Variants in ST6GALNAC3 observed in about 807,000 individuals in gnomAD.
The protein encoded by ST6GALNAC3 is ST6 N-acetylgalactosaminide alpha-2,6-sialyltransferase 3.
In ST6GALNAC3, 25 loss-of-function variants were observed where a neutral mutation model predicts 32.7. The ratio of observed to expected loss-of-function variants is 0.76; its 90% CI spans 0.56 to 1.07. The LOEUF is 1.07. ST6GALNAC3 is among the 50% of genes least tolerant of loss of function. The pLI is 0.00. For synonymous variants in ST6GALNAC3, 129 were observed against 133.1 expected, an observed-to-expected ratio of 0.97 and a Z score of 0.21; for missense variants, 355 against 382.4, an observed-to-expected ratio of 0.93 and a Z score of 0.60.
chr1:76,227,924 G>A (rs1296791923), intron 1 of ST6GALNAC3, among the ~76,000 whole-genome samples: 1 of 152,106 alleles, frequency 6.6e-6, no homozygotes, highest in Non-Finnish European at 1.5e-5. Context: ...TAAGGGATGT[G>A]GTTTCTAGAT....
intron 1 of ST6GALNAC3, among the ~76,000 whole-genome samples, chr1:76,228,154 T>G (rs1656178568): frequency 6.6e-6 from 1 of 152,166 alleles, no homozygotes; most frequent in Non-Finnish European, 1.5e-5. Context: ...CCTATTGAAA[T>G]ATGAAATAGA....
chr1:76,543,490 A>G (rs1300576195), intron 3 of ST6GALNAC3, among the ~76,000 whole-genome samples: 1 of 152,244 alleles, frequency 6.6e-6, no homozygotes, highest in Non-Finnish European at 1.5e-5. Context: ...ATCTTATCAC[A>G]TCAGAAAAAA....
rs769784038 is a variant in ST6GALNAC3 at position 76,206,787 on chromosome 1, C to T, written c.19-107018C>T. On this transcript the variant is annotated intron_variant, in intron 1 of 4. Coordinates refer to ENST00000328299, the MANE Select transcript of ST6GALNAC3 (RefSeq NM_152996.4). ...TTCAATAGATGGTGATTGTTATAAA[C>T]AATGATCACTAACAGTAAAGATACT... 2.0e-5 allele frequency among the ~76,000 whole-genome samples: 3 copies of T among 152,058 alleles called. No individual in the cohort carries two copies. The East Asian group carries it at 5.8e-4, about 29-fold the overall frequency.
chr1:76,243,084 G>T (rs980957704), intron 1 of ST6GALNAC3, among the ~76,000 whole-genome samples: 1 of 152,134 alleles, frequency 6.6e-6, no homozygotes, highest in Non-Finnish European at 1.5e-5. Context: ...GTGTAAAAGT[G>T]TTCATATTTC....
chr1:76,088,322 C>G (rs1158228585), intron 1 of ST6GALNAC3, among the ~76,000 whole-genome samples: 1 of 152,184 alleles, frequency 6.6e-6, no homozygotes, highest in Non-Finnish European at 1.5e-5. Flanking sequence ...AGTACTATTA[C>G]AAACCATTCC....
At chr1:76,623,244 G>C (rs1296358228) in intron 3 of ST6GALNAC3, among the ~76,000 whole-genome samples, 1 of 151,970 alleles carries the variant, frequency 6.6e-6, no homozygotes, top group Non-Finnish European at 1.5e-5. Context: ...AGATATGCCA[G>C]TAAATTTAAG....
At chr1:76,147,631 G>A (rs1361041431) in intron 1 of ST6GALNAC3, among the ~76,000 whole-genome samples, 31 of 152,072 alleles carry the variant, frequency 2.0e-4, no homozygotes, top group Admixed American at 1.8e-3. Flanking sequence ...CAACTAGAAC[G>A]TAAGCTCCAT....
At chr1:76,462,159 T>G (rs1658321300) in intron 3 of ST6GALNAC3, among the ~76,000 whole-genome samples, 1 of 152,090 alleles carries the variant, frequency 6.6e-6, no homozygotes, top group South Asian at 2.1e-4. Flanking sequence ...GATGCTGTGT[T>G]GTTTACCTCT....
In ST6GALNAC3 at chr1:76,628,876, C is replaced by T; in HGVS notation, c.*70C>T. 6.3e-7 allele frequency: 1 copy of T among 1,578,242 alleles called. No individual in the cohort carries two copies. The highest frequency in any genetic ancestry group is 8.6e-7 in the Non-Finnish European group (1 of 1,168,474). On this transcript the variant is annotated 3_prime_UTR_variant, in exon 5 of 5. Coordinates refer to ENST00000328299, the MANE Select transcript of ST6GALNAC3 (RefSeq NM_152996.4). Reference sequence around the variant, plus strand: ...TACTGCAACTGTGATGCTGATGATGCTAATGGAGATGATGGTAATGATAAA... The same window carrying T: ...TACTGCAACTGTGATGCTGATGATGTTAATGGAGATGATGGTAATGATAAA...
At chr1:76,416,034 A>AACACACACACACAC (rs60710007) in intron 3 of ST6GALNAC3, among the ~76,000 whole-genome samples, 154 of 144,420 alleles carry the variant, frequency 1.1e-3, no homozygotes, top group African/African-American at 3.0e-3. Context: ...TTTATTCCAC[A>AACACACACACACAC]ACACACACAC....
intron 2 of ST6GALNAC3, among the ~76,000 whole-genome samples, chr1:76,320,663 A>T (rs1469181852): frequency 6.6e-6 from 1 of 152,100 alleles, no homozygotes; most frequent in African/African-American, 2.4e-5. Flanking sequence ...AAATGCATTC[A>T]TTGGGTAATT....
chr1:76,100,871 T>A (rs949255467), intron 1 of ST6GALNAC3, among the ~76,000 whole-genome samples: 1 of 152,036 alleles, frequency 6.6e-6, no homozygotes, highest in African/African-American at 2.4e-5. Flanking sequence ...ATTTTTTTAA[T>A]GCCAGTTTTA....
At chr1:76,261,773 C>T (rs929690191) in intron 1 of ST6GALNAC3, among the ~76,000 whole-genome samples, 10 of 152,254 alleles carry the variant, frequency 6.6e-5, no homozygotes, top group African/African-American at 2.4e-4. Context: ...GGCCCTAACT[C>T]CCCTCTTTTG....
At chr1:76,268,133 T>C (rs995227120) in intron 1 of ST6GALNAC3, among the ~76,000 whole-genome samples, 2 of 152,226 alleles carry the variant, frequency 1.3e-5, no homozygotes. Flanking sequence ...CTCATTTTGA[T>C]ACAGATAAGA....
At chr1:76,342,481 A>AAT (rs1491088473) in intron 2 of ST6GALNAC3, among the ~76,000 whole-genome samples, 1 of 150,410 alleles carries the variant, frequency 6.6e-6, no homozygotes, top group African/African-American at 2.4e-5. Flanking sequence ...CTTTTTTTTC[A>AAT]TATGTTTGTT....
intron 1 of ST6GALNAC3, among the ~76,000 whole-genome samples, chr1:76,152,503 G>T (rs1487480443): frequency 6.6e-6 from 1 of 152,158 alleles, no homozygotes; most frequent in Non-Finnish European, 1.5e-5. Context: ...CTAGGTGAAG[G>T]TGGGCTCTTT....
Position 76,336,956 on chromosome 1 carries a change from C to G in ST6GALNAC3, c.213+22957C>G, listed in dbSNP as rs960011040. ...GAACAACAGCTGCATTTGCAAGTAG[C>G]CAGGACTTCCTCCAGATGACATATT... On this transcript the variant is annotated intron_variant, in intron 2 of 4. Coordinates refer to ENST00000328299, the MANE Select transcript of ST6GALNAC3 (RefSeq NM_152996.4). Among the ~76,000 whole-genome samples, 3 of 152,224 alleles carry G rather than the reference C, an allele frequency of 2.0e-5. No individual in the cohort carries two copies. In the East Asian group the frequency reaches 5.8e-4, roughly 29 times the overall value.
intron 1 of ST6GALNAC3, among the ~76,000 whole-genome samples, chr1:76,171,943 C>T (rs1455513077): frequency 6.6e-6 from 1 of 151,938 alleles, no homozygotes; most frequent in African/African-American, 2.4e-5. Context: ...TGAAACTATT[C>T]CAAACAGTTG....
At position 76,441,088 on chromosome 1, in the gene ST6GALNAC3, C is replaced by CAAA. The variant is rs397980569; in HGVS notation, c.623+28689_623+28691dup. Among the ~76,000 whole-genome samples the CAAA allele has an allele frequency of 8.7e-3, 789 of 90,212 alleles. 11 individuals carry two copies. Among genetic ancestry groups the CAAA allele is most frequent in the African/African-American group, 0.024 (673 of 28,188 alleles). The allele number at this position is 90,212 out of a possible 152,430, so 59.2% of individuals were successfully genotyped here. On this transcript the variant is annotated intron_variant, in intron 3 of 4. Coordinates refer to ENST00000328299, the MANE Select transcript of ST6GALNAC3 (RefSeq NM_152996.4). ...GGGCGACAGAGTGAGACTATGTCTC[C>CAAA]AAAAAAAAAAAAAAAAAAAATAAGA...
Sources: allele counts gnomAD v4.1 joint callset (sites outside exome capture counted in the v4.1 genomes callset), GRCh38; gene constraint gnomAD v4.1.1; transcripts MANE v1.5; gene names NCBI Gene and HGNC (gene_info 2026-07-23, HGNC 2026-07-21).